The following SNTG2 variants were observed in gnomAD, a reference collection of about 807,000 sequenced individuals.
The protein encoded by SNTG2 is syntrophin gamma 2.
SNTG2 carries 74 observed loss-of-function variants against 70.9 expected under a neutral mutation model. The ratio of observed to expected loss-of-function variants is 1.04; its 90% CI spans 0.86 to 1.27. The LOEUF is 1.27. Ranked by LOEUF, SNTG2 falls within the 50% of genes most tolerant of loss-of-function variation. The probability of loss-of-function intolerance (pLI) is 0.00; values close to 1 mark genes in which losing one functional copy is unlikely to be tolerated. For missense variants in SNTG2, 717 were observed against 690.7 expected, an observed-to-expected ratio of 1.04 and a Z score of -0.43; for synonymous variants, 278 against 273.8, an observed-to-expected ratio of 1.02 and a Z score of -0.15.
chr2:999,590 A>G (rs770958483), intron 1 of SNTG2, among the ~76,000 whole-genome samples: 1 of 152,068 alleles, frequency 6.6e-6, no homozygotes, highest in Non-Finnish European at 1.5e-5. Flanking sequence ...ACAGGAAGCT[A>G]TAACAATCAT....
At chr2:983,343 G>A (rs373274841) in intron 1 of SNTG2, among the ~76,000 whole-genome samples, 4 of 148,210 alleles carry the variant, frequency 2.7e-5, no homozygotes, top group Non-Finnish European at 4.5e-5. Context: ...GGTGGAAGTC[G>A]GGATGAAGAA....
intron 1 of SNTG2, among the ~76,000 whole-genome samples, chr2:1,075,414 G>T (rs1437691674): frequency 6.6e-6 from 1 of 152,180 alleles, no homozygotes; most frequent in African/African-American, 2.4e-5. Flanking sequence ...TCTTAACTTT[G>T]ATGGGCAGAA....
intron 16 of SNTG2, among the ~76,000 whole-genome samples, chr2:1,350,343 A>C (rs995471078): frequency 7.2e-5 from 11 of 152,196 alleles, no homozygotes; most frequent in African/African-American, 2.7e-4. Flanking sequence ...GAGGAGGGAA[A>C]GTGTCACTGT....
chr2:1,083,608 C>G lies in SNTG2; in HGVS notation c.163C>G (p.Gln55Glu). 1.2e-6 allele frequency: 2 copies of G among 1,613,712 alleles called. No individual in the cohort carries two copies. The highest frequency in any genetic ancestry group is 2.2e-5 in the East Asian group (1 of 44,884). Residue 55 changes from glutamine (Q) to glutamate (E), a missense_variant, in exon 2 of 17, where the codon CAG becomes GAG. Transcript: ENST00000308624. ...LKLTKEVLTI[Q>E]KQDVVCVGGS... ...GCTGACGAAAGAGGTGCTGACAATT[C>G]AGAAACAAGATGTTGTCTGTGTGGG...
intron 4 of SNTG2, among the ~76,000 whole-genome samples, chr2:1,113,314 C>T (rs1444974258): frequency 1.3e-5 from 2 of 151,804 alleles, no homozygotes; most frequent in African/African-American, 4.8e-5. Flanking sequence ...TGAGGTTTAA[C>T]CCTTACAGTC....
chr2:1,139,911 A>C (rs28517402), intron 6 of SNTG2, among the ~76,000 whole-genome samples: 35,486 of 151,690 alleles, frequency 0.23, 4,994 homozygotes, highest in East Asian at 0.52. Flanking sequence ...GACTGATACA[A>C]ATATACTTTT....
At chr2:1,028,589 G>C (rs768354908) in intron 1 of SNTG2, among the ~76,000 whole-genome samples, 1 of 152,108 alleles carries the variant, frequency 6.6e-6, no homozygotes, top group Non-Finnish European at 1.5e-5. Context: ...TCTTTGAAAG[G>C]TCCAGAAACC....
intron 14 of SNTG2, among the ~76,000 whole-genome samples, chr2:1,300,401 C>T (rs377322601): frequency 5.9e-5 from 9 of 152,300 alleles, no homozygotes; most frequent in South Asian, 2.1e-4. Flanking sequence ...ATTGGCCTCC[C>T]GGGGCTCACT....
chr2:1,144,779 C>A (rs141598088), intron 6 of SNTG2, among the ~76,000 whole-genome samples: 1 of 152,154 alleles, frequency 6.6e-6, no homozygotes, highest in East Asian at 1.9e-4. Context: ...TACCTCCCAC[C>A]AGGTCCCTCC....
intron 1 of SNTG2, among the ~76,000 whole-genome samples, chr2:1,044,698 A>C (rs184263809): frequency 3.3e-5 from 5 of 152,258 alleles, no homozygotes; most frequent in Admixed American, 3.3e-4. Context: ...ATATCGATTT[A>C]TTTGCATATG....
chr2:1,096,380 GA>G (rs1164614010), intron 2 of SNTG2, among the ~76,000 whole-genome samples: 1 of 152,080 alleles, frequency 6.6e-6, no homozygotes, highest in Admixed American at 6.6e-5. Context: ...AAATTTTAAG[GA>G]AATATGGTAT....
Position 1,009,582 on chromosome 2 carries a change from C to T in SNTG2, c.72+58514C>T, listed in dbSNP as rs1032337266. On this transcript the variant is annotated intron_variant, in intron 1 of 16. Transcript: ENST00000308624. Reference sequence around the variant, plus strand: ...ATACTGGTGTGGGTTGTGTGTATGGCAGCCACACCCATGTCCCCAGGAAGA... The same window carrying T: ...ATACTGGTGTGGGTTGTGTGTATGGTAGCCACACCCATGTCCCCAGGAAGA... Among the ~76,000 whole-genome samples the T allele has an allele frequency of 9.4e-5, 13 of 138,610 alleles. 1 individual carries two copies. Among genetic ancestry groups the T allele is most frequent in the African/African-American group, 3.4e-4 (13 of 37,826 alleles). The allele number at this position is 138,610 out of a possible 152,430, so 90.9% of individuals were successfully genotyped here.
rs780656827 is a variant in SNTG2, at chr2:1,083,618, A to T, written c.173A>T (p.Asp58Val). 27 of 1,613,630 alleles carry T rather than the reference A, an allele frequency of 1.7e-5. No individual in the cohort carries two copies. Among genetic ancestry groups the T allele is most frequent in the Middle Eastern group, 1.6e-4 (1 of 6,078 alleles). Reference sequence around the variant, plus strand: ...GAGGTGCTGACAATTCAGAAACAAGATGTTGTCTGTGTGGGCGGAAGCCAC... The same window carrying T: ...GAGGTGCTGACAATTCAGAAACAAGTTGTTGTCTGTGTGGGCGGAAGCCAC... Reference protein sequence around the residue: ...TKEVLTIQKQDVVCVGGSHQG... With the variant: ...TKEVLTIQKQVVVCVGGSHQG... Residue 58 changes from aspartate to valine, a missense_variant, in exon 2 of 17, where the codon GAT (aspartate) becomes GTT (valine). Physicochemically the swap from Asp to Val is radical, Grantham distance 152. Coordinates refer to ENST00000308624, the MANE Select transcript of SNTG2 (RefSeq NM_018968.4).
intron 6 of SNTG2, among the ~76,000 whole-genome samples, chr2:1,142,674 A>G (rs565152400): frequency 6.6e-6 from 1 of 152,338 alleles, no homozygotes; most frequent in Middle Eastern, 3.4e-3. Flanking sequence ...CAACTAACCA[A>G]GGAAACCAAT....
intron 8 of SNTG2, among the ~76,000 whole-genome samples, chr2:1,182,801 A>C (rs1672004654): frequency 6.6e-6 from 1 of 152,198 alleles, no homozygotes; most frequent in Non-Finnish European, 1.5e-5. Context: ...TTCCCAGGCT[A>C]GAGTGCAGTG....
intron 16 of SNTG2, among the ~76,000 whole-genome samples, chr2:1,329,862 A>G (rs757740929): frequency 6.6e-6 from 1 of 152,220 alleles, no homozygotes; most frequent in South Asian, 2.1e-4. Flanking sequence ...CTGTGCTCAC[A>G]TAGTATTTTT....
rs563055970 is a variant in SNTG2, at chr2:999,057, A to G, written c.72+47989A>G. On this transcript the variant is annotated intron_variant, in intron 1 of 16. Coordinates refer to ENST00000308624, the MANE Select transcript of SNTG2 (RefSeq NM_018968.4). ...TATCTTGCTACACTAAGCTTCATAA[A>G]TGAGGGAGAAGTATAGTATTTCCCA... is the stretch of plus-strand genomic sequence containing the variant. Among the ~76,000 whole-genome samples, 8 of 152,280 alleles carry G rather than the reference A, an allele frequency of 5.3e-5. No individual in the cohort carries two copies. The South Asian group carries it at 1.7e-3, about 32-fold the overall frequency.
chr2:1,165,398 C>T (rs1036839614), intron 6 of SNTG2, 150 bp from the exon 7 acceptor site: 9 of 715,696 alleles, frequency 1.3e-5, no homozygotes, highest in Non-Finnish European at 2.1e-5. Context: ...TTCTTTACTC[C>T]AGCTGAAGCC....
chr2:1,154,794 C>T (rs1446616442), intron 6 of SNTG2, among the ~76,000 whole-genome samples: 6 of 151,990 alleles, frequency 3.9e-5, no homozygotes, highest in African/African-American at 1.5e-4. Flanking sequence ...CTTCTACCTC[C>T]AACACATACA....
Sources: gnomAD v4.1 joint callset for allele counts (sites outside exome capture counted in the v4.1 genomes callset) on GRCh38, gnomAD v4.1.1 for gene constraint, MANE v1.5 for transcripts, NCBI Gene and HGNC (gene_info 2026-07-23, HGNC 2026-07-21) for gene names.